Variants in DOCK10 observed in about 807,000 individuals in gnomAD.
DOCK10 encodes dedicator of cytokinesis protein 10.
In DOCK10, 145 loss-of-function variants were observed where a neutral mutation model predicts 280.1. The observed-to-expected ratio is 0.52, with a 90% confidence interval of 0.45 to 0.59. The LOEUF (loss-of-function observed/expected upper bound fraction) is 0.59. DOCK10 is among the 20% of genes least tolerant of loss of function. The pLI is 0.00. For synonymous variants in DOCK10, 915 were observed against 942.2 expected (o/e 0.97, Z 0.53); for missense variants, 2,368 against 2,651.7 (o/e 0.89, Z 2.35).
intron 1 of DOCK10, among the ~76,000 whole-genome samples, chr2:225,015,215 T>A (rs1204749462): frequency 2.6e-5 from 4 of 152,128 alleles, no homozygotes; most frequent in Non-Finnish European, 4.4e-5. Context: ...AGTATAAACA[T>A]AAAAAACACT....
intron 28 of DOCK10, among the ~76,000 whole-genome samples, chr2:224,822,216 A>C (rs1405161625): frequency 3.3e-5 from 5 of 152,184 alleles, no homozygotes; most frequent in Non-Finnish European, 7.3e-5. Context: ...ACAGAAAACT[A>C]TTATCTTTCT....
chr2:224,941,353 C>T (rs770328221), intron 1 of DOCK10, among the ~76,000 whole-genome samples: 78 of 152,132 alleles, frequency 5.1e-4, no homozygotes, highest in Non-Finnish European at 9.4e-4. Flanking sequence ...CCTTGCAAAA[C>T]AGAGAACAGA....
chr2:224,947,046 T>G (rs2126104885), intron 1 of DOCK10: 2 of 1,415,782 alleles, frequency 1.4e-6, no homozygotes, highest in Middle Eastern at 3.7e-4. Context: ...CAAATCTTTC[T>G]TCTTGGTAAA....
chr2:224,941,609 C>T (rs1703084193), intron 1 of DOCK10, among the ~76,000 whole-genome samples: 1 of 152,026 alleles, frequency 6.6e-6, no homozygotes, highest in African/African-American at 2.4e-5. Context: ...GTTGGAAGGC[C>T]AAGGTGGGTG....
intron 2 of DOCK10, among the ~76,000 whole-genome samples, chr2:224,919,243 T>G (rs1414937811): frequency 6.7e-6 from 1 of 148,414 alleles, no homozygotes; most frequent in Non-Finnish European, 1.5e-5. Context: ...TATGTGGGTG[T>G]GTGGTATGTG....
chr2:225,034,949 C>A (rs1321987982), intron 1 of DOCK10, among the ~76,000 whole-genome samples: 3 of 152,090 alleles, frequency 2.0e-5, no homozygotes, highest in Non-Finnish European at 2.9e-5. Context: ...CCAGGATGAC[C>A]TTCCTGAGAA....
chr2:224,898,622 G>C (rs1398008655), intron 3 of DOCK10, among the ~76,000 whole-genome samples: 1 of 152,214 alleles, frequency 6.6e-6, no homozygotes, highest in African/African-American at 2.4e-5. Context: ...TGTCGCCGAG[G>C]CTGGAGTGCA....
chr2:224,987,588 C>A (rs1367921542), intron 1 of DOCK10, among the ~76,000 whole-genome samples: 1 of 152,136 alleles, frequency 6.6e-6, no homozygotes, highest in Non-Finnish European at 1.5e-5. Context: ...GTTGGCCTGC[C>A]AGACTGGCTT....
At chr2:224,785,749 G>T (rs1691690564) in intron 50 of DOCK10, among the ~76,000 whole-genome samples, 1 of 152,180 alleles carries the variant, frequency 6.6e-6, no homozygotes, top group African/African-American at 2.4e-5. Flanking sequence ...CAAAGTACTG[G>T]ATTACAGGCG....
At position 224,786,953 on chromosome 2, in the gene DOCK10, T is replaced by A. The variant is rs144306022; in HGVS notation, c.5655+69A>T. On this transcript the variant is annotated intron_variant, in intron 50 of 55. Transcript: ENST00000258390. The surrounding 1 kb of genome is among the most constrained non-coding windows in gnomAD (Gnocchi z 4.7). ...TTCACTGGTACACACAGATGTCTCA[T>A]AAAGAATGAAAGACAACATTCAACT... The A allele has an allele frequency of 8.6e-7, 1 of 1,161,112 alleles. No homozygotes were observed. The highest frequency in any genetic ancestry group is 1.7e-5 in the Admixed American group (1 of 59,286). The allele number at this position is 1,161,112 out of a possible 1,614,324, so 71.9% of individuals were successfully genotyped here. A position where few individuals can be genotyped will look rare whatever the true frequency, so the allele number is the denominator to read the frequency against.
rs1412409913 is a variant in DOCK10 at position 224,961,484 on chromosome 2, C to CTTTCTTTCTTTCTT, written c.124-29817_124-29816insAAGAAAGAAAGAAA. On this transcript the variant is annotated intron_variant, in intron 1 of 55. Coordinates refer to ENST00000258390, the MANE Select transcript of DOCK10 (RefSeq NM_014689.3). ...TTTCTTTCTTTTTCTTTCTTTCTTTCTCTTTCTTTCCTTCCTTCCTTCTTT... is the reference window on the plus strand; with the variant it reads ...TTTCTTTCTTTTTCTTTCTTTCTTTCTTTCTTTCTTTCTTTCTTTCTTTCCTTCCTTCCTTCTTT... Among the ~76,000 whole-genome samples, 5 of 67,204 alleles carry CTTTCTTTCTTTCTT rather than the reference C, an allele frequency of 7.4e-5. No individual in the cohort carries two copies. In the East Asian group the frequency reaches 1.2e-3, roughly 16 times the overall value. 44.1% of individuals were successfully genotyped at this position (67,204 alleles called of 152,430 possible).
intron 1 of DOCK10, among the ~76,000 whole-genome samples, chr2:225,030,840 G>T (rs922163361): frequency 1.3e-5 from 2 of 152,016 alleles, no homozygotes; most frequent in Non-Finnish European, 2.9e-5. Flanking sequence ...TATACAATTT[G>T]TACAATTTGT....
chr2:224,961,420 T>TTCTTTCTTTC (rs1040029853), intron 1 of DOCK10, among the ~76,000 whole-genome samples: 3 of 100,026 alleles, frequency 3.0e-5, no homozygotes, highest in African/African-American at 1.3e-4. Flanking sequence ...TTCTCTTTCT[T>TTCTTTCTTTC]TCTTTCTTTC....
At chr2:224,873,042 G>C (rs1224029730) in intron 11 of DOCK10, among the ~76,000 whole-genome samples, 1 of 152,102 alleles carries the variant, frequency 6.6e-6, no homozygotes, top group Non-Finnish European at 1.5e-5. Flanking sequence ...AAAGTACTAA[G>C]ACGAAGTTTT....
At chr2:225,030,986 C>A (rs1690059350) in intron 1 of DOCK10, among the ~76,000 whole-genome samples, 1 of 152,188 alleles carries the variant, frequency 6.6e-6, no homozygotes, top group African/African-American at 2.4e-5. Flanking sequence ...CCTGTCATCT[C>A]TAAGTATGAC....
chr2:224,852,275 G>T, intron 18 of DOCK10, 102 bp downstream of exon 18: 1 of 817,152 alleles, frequency 1.2e-6, no homozygotes, highest in Non-Finnish European at 2.0e-6. Flanking sequence ...TTAAATTACT[G>T]CTCTTTCAAC....
chr2:224,846,533 C>T (rs143794778), intron 19 of DOCK10, among the ~76,000 whole-genome samples: 1,478 of 135,600 alleles, frequency 0.011, 20 homozygotes, highest in African/African-American at 0.04. Flanking sequence ...TGGAGTCTTG[C>T]TCTGTCACCA....
intron 1 of DOCK10, among the ~76,000 whole-genome samples, chr2:225,018,103 A>T (rs1689666085): frequency 6.6e-6 from 1 of 152,198 alleles, no homozygotes; most frequent in South Asian, 2.1e-4. Context: ...TATTATACCA[A>T]TGTGACGACT....
In DOCK10 at chr2:224,808,010, G is replaced by A. The variant is rs964163770; in HGVS notation, c.3486C>T (p.Gly1162=). The change falls in exon 32 of 56, where the codon GGC becomes GGT. Residue 1162 remains glycine (G), a synonymous_variant. Transcript: ENST00000258390. ...FLIGILLREV[G]FALQEDQDVR... Reference sequence around the variant, plus strand: ...CATCTTGGTCTTCCTGCAGGGCAAAGCCAACTTCTCGGAGCAGAATTCCGA... The same window carrying A: ...CATCTTGGTCTTCCTGCAGGGCAAAACCAACTTCTCGGAGCAGAATTCCGA... 1.4e-5 allele frequency: 23 copies of A among 1,612,776 alleles called. No individual in the cohort carries two copies. The East Asian group carries it at 5.1e-4, about 36-fold the overall frequency.
Sources: gnomAD v4.1 joint callset for allele counts (sites outside exome capture counted in the v4.1 genomes callset) on GRCh38, gnomAD v4.1.1 for gene constraint, Gnocchi (gnomAD v3.1) non-coding constraint, MANE v1.5 for transcripts, NCBI Gene and HGNC (gene_info 2026-07-23, HGNC 2026-07-21) for gene names.